GLIS2: variants seen among roughly 807,000 people sequenced by gnomAD.
The protein encoded by GLIS2 is GLIS family zinc finger 2.
A neutral mutation model predicts 35.6 loss-of-function variants in GLIS2; 14 were observed. The ratio of observed to expected loss-of-function variants is 0.39; its 90% CI spans 0.26 to 0.61. GLIS2 has a LOEUF of 0.61. Ranked by LOEUF, GLIS2 falls within the 20% of genes least tolerant of loss-of-function variation. GLIS2 has a pLI of 0.48. For synonymous variants in GLIS2, 368 were observed against 325.1 expected, an observed-to-expected ratio of 1.13 and a Z score of -1.42; for missense variants, 675 against 713.4, an observed-to-expected ratio of 0.95 and a Z score of 0.61.
In GLIS2 at chr16:4,316,075, T is replaced by C. The variant is rs2053306987; in HGVS notation, c.-246T>C. Among the ~76,000 whole-genome samples the C allele has an allele frequency of 1.8e-5, 2 of 113,614 alleles. No homozygotes were observed. The highest frequency in any genetic ancestry group is 3.3e-5 in the African/African-American group (1 of 30,498). The allele number at this position is 113,614 out of a possible 152,430, so 74.5% of individuals were successfully genotyped here. ...GCCCGGCCGCCGCGGCCACCTTCCC[T>C]GCCCGAGCTGCAGATGTGGCGGAGC... On this transcript the variant is annotated 5_prime_UTR_variant, in exon 1 of 7. Coordinates refer to ENST00000433375, the MANE Select transcript of GLIS2 (RefSeq NM_032575.3).
rs1013693251 is a variant in GLIS2, at chr16:4,332,438, G to A, written c.158G>A (p.Gly53Asp). 6.2e-7 allele frequency: 1 copy of A among 1,611,710 alleles called. No homozygotes were observed. The highest frequency in any genetic ancestry group is 8.5e-7 in the Non-Finnish European group (1 of 1,179,948). The change falls in exon 2 of 7, where the codon GGC becomes GAC. Residue 53 changes from glycine (G) to aspartate (D), a missense_variant. Physicochemically the swap from Gly to Asp is moderately conservative, Grantham distance 94. This residue lies in a region of GLIS2 where 225 missense variants were observed against 238.7 expected (regional missense o/e 0.94). Transcript: ENST00000433375. The surrounding 1 kb of genome is among the most constrained non-coding windows in gnomAD (Gnocchi z 5.4). ...GACAGCCCCACACCTGGCTCTCCAGGCTCCCCGCCCTCAGGTACTGGCCCT... is the reference window on the plus strand; with the variant it reads ...GACAGCCCCACACCTGGCTCTCCAGACTCCCCGCCCTCAGGTACTGGCCCT... Reference protein sequence around the residue: ...VDDSPTPGSPGSPPSGFLLNS... With the variant: ...VDDSPTPGSPDSPPSGFLLNS...
rs372241039 is a variant in GLIS2 at position 4,328,515 on chromosome 16, G to C, written c.-66-3700G>C. Among the ~76,000 whole-genome samples the C allele has an allele frequency of 2.0e-3, 298 of 152,384 alleles. 2 individuals are homozygous for C. Among genetic ancestry groups the C allele is most frequent in the African/African-American group, 6.5e-3 (269 of 41,598 alleles). On this transcript the variant is annotated intron_variant, in intron 1 of 6. Coordinates refer to ENST00000433375, the MANE Select transcript of GLIS2 (RefSeq NM_032575.3). ...GGCCTCCATTGGAGGAAAAACTCTG[G>C]GTGGGGAGGGCCTGGAACAGGGATG...
chr16:4,334,422 G>C (rs1462664177), intron 3 of GLIS2, among the ~76,000 whole-genome samples: 1 of 151,410 alleles, frequency 6.6e-6, no homozygotes, highest in Non-Finnish European at 1.5e-5. Flanking sequence ...ATTTTTAGCA[G>C]ACATGGGGTT....
At chr16:4,315,168 C>T (rs2053293273), upstream of GLIS2, 1 of 152,226 alleles carries the variant, frequency 6.6e-6, no homozygotes, top group South Asian at 2.1e-4. Flanking sequence ...AGCTAGGAAC[C>T]AAGCGGAAGC....
At chr16:4,333,324 C>T in intron 2 of GLIS2, 23 bp from the exon 3 acceptor site, 1 of 1,612,318 alleles carries the variant, frequency 6.2e-7, no homozygotes, top group Non-Finnish European at 8.5e-7. Flanking sequence ...TCCAGCACAC[C>T]CTGAACTGTG....
At chr16:4,330,226 C>T (rs1178829213) in intron 1 of GLIS2, among the ~76,000 whole-genome samples, 2 of 151,932 alleles carry the variant, frequency 1.3e-5, no homozygotes, top group East Asian at 3.8e-4. Context: ...GCAGTGAGCC[C>T]AGATCACACC....
chr16:4,319,486 G>A (rs183992995), intron 1 of GLIS2, among the ~76,000 whole-genome samples: 11 of 152,256 alleles, frequency 7.2e-5, no homozygotes, highest in African/African-American at 2.2e-4. Context: ...ATGTGTATCT[G>A]GGGGTTCACG....
chr16:4,318,963 G>A lies in GLIS2; in HGVS notation c.-67+2709G>A, dbSNP rs530320615. On this transcript the variant is annotated intron_variant, in intron 1 of 6. Coordinates refer to ENST00000433375, the MANE Select transcript of GLIS2 (RefSeq NM_032575.3). Reference sequence around the variant, plus strand: ...GACAGCTGTGACTGGGGGACCAGATGTGGAGCTCTTGTGGGGCATCTTGGG... The same window carrying A: ...GACAGCTGTGACTGGGGGACCAGATATGGAGCTCTTGTGGGGCATCTTGGG... Among the ~76,000 whole-genome samples the A allele has an allele frequency of 8.5e-5, 13 of 152,330 alleles. No homozygotes were observed. The South Asian group carries it at 2.7e-3, about 32-fold the overall frequency.
At chr16:4,323,781 G>A (rs903248911) in intron 1 of GLIS2, among the ~76,000 whole-genome samples, 1 of 152,318 alleles carries the variant, frequency 6.6e-6, no homozygotes, top group African/African-American at 2.4e-5. Flanking sequence ...GCCTGGGGCC[G>A]GAAACAAGAA....
chr16:4,319,068 C>T (rs936508626), intron 1 of GLIS2, among the ~76,000 whole-genome samples: 4 of 152,092 alleles, frequency 2.6e-5, no homozygotes, highest in Non-Finnish European at 4.4e-5. Context: ...GTTCCTGCCT[C>T]TAAGGGGAGG....
At chr16:4,330,336 A>C (rs191668068) in intron 1 of GLIS2, among the ~76,000 whole-genome samples, 90 of 152,388 alleles carry the variant, frequency 5.9e-4, no homozygotes, top group African/African-American at 2.1e-3. Context: ...AAATTACAGC[A>C]TGGGAAGTGA....
chr16:4,321,116 C>G (rs1015600510), intron 1 of GLIS2, among the ~76,000 whole-genome samples: 13 of 152,200 alleles, frequency 8.5e-5, no homozygotes, highest in African/African-American at 2.9e-4. Flanking sequence ...GTGCGGTGCC[C>G]TGCTGGGCCT....
In GLIS2 at chr16:4,335,501, G is replaced by C. The variant is rs914869328; in HGVS notation, c.775+108G>C. ...ACTGTTAAGTAAATCCCGGGCCTCAGAGATAAGGGTTGATGTCATCGCCCA... is the reference window on the plus strand; with the variant it reads ...ACTGTTAAGTAAATCCCGGGCCTCACAGATAAGGGTTGATGTCATCGCCCA... On this transcript the variant is annotated intron_variant, in intron 6 of 6. Coordinates refer to ENST00000433375, the MANE Select transcript of GLIS2 (RefSeq NM_032575.3). The surrounding 1 kb of genome is among the most constrained non-coding windows in gnomAD (Gnocchi z 4.6). 1 of 997,052 alleles carries C rather than the reference G, an allele frequency of 1.0e-6. No individual in the cohort carries two copies. The highest frequency in any genetic ancestry group is 1.6e-5 in the African/African-American group (1 of 62,688). 61.8% of individuals were successfully genotyped at this position (997,052 alleles called of 1,614,324 possible).
At chr16:4,333,011 A>G (rs1282408507) in intron 2 of GLIS2, among the ~76,000 whole-genome samples, 1 of 152,176 alleles carries the variant, frequency 6.6e-6, no homozygotes, top group Non-Finnish European at 1.5e-5. Flanking sequence ...GAAAAGCTAG[A>G]AAGGTTCCTA....
intron 1 of GLIS2, chr16:4,331,899 T>C (rs955879172): frequency 5.5e-6 from 2 of 360,718 alleles, no homozygotes; most frequent in Non-Finnish European, 1.1e-5. Context: ...CAGTGAGCTA[T>C]GATTGTGCCA....
chr16:4,320,553 C>T lies in GLIS2; in HGVS notation c.-67+4299C>T, dbSNP rs2053367121. ...AATGTCGGTTTAGCCTGGGAATCCC[C>T]CCAGCTCCACTCCTGCCCCCCACGT... On this transcript the variant is annotated intron_variant, in intron 1 of 6. Transcript: ENST00000433375. This position sits in a 1 kb window ranked among gnomAD's most constrained non-coding sequence, Gnocchi z 5.6. Among the ~76,000 whole-genome samples, 1 of 144,674 alleles carries T rather than the reference C, an allele frequency of 6.9e-6. No individual in the cohort carries two copies. Among genetic ancestry groups the T allele is most frequent in the African/African-American group, 2.8e-5 (1 of 35,512 alleles). 94.9% of individuals were successfully genotyped at this position (144,674 alleles called of 152,430 possible). A position where few individuals can be genotyped will look rare whatever the true frequency, so the allele number is the denominator to read the frequency against.
chr16:4,317,170 C>T (rs1392897721), intron 1 of GLIS2, among the ~76,000 whole-genome samples: 1 of 152,168 alleles, frequency 6.6e-6, no homozygotes, highest in Admixed American at 6.5e-5. Context: ...CAGCCCTGCC[C>T]TGGGGCCTGG....
upstream of GLIS2, among the ~76,000 whole-genome samples, chr16:4,315,675 G>T (rs950794653): frequency 6.6e-6 from 1 of 151,274 alleles, no homozygotes; most frequent in Non-Finnish European, 1.5e-5. Context: ...GCGGGGGGGG[G>T]GTGGCGTGAG....
rs1052422792 is a variant in GLIS2, at chr16:4,332,610, A to T, written c.172+158A>T. Among the ~76,000 whole-genome samples the T allele has an allele frequency of 2.6e-5, 4 of 152,202 alleles. No homozygotes were observed. In the East Asian group the frequency reaches 7.7e-4, roughly 29 times the overall value. On this transcript the variant is annotated intron_variant, in intron 2 of 6. Transcript: ENST00000433375. This position sits in a 1 kb window ranked among gnomAD's most constrained non-coding sequence, Gnocchi z 5.4. Reference sequence around the variant, plus strand: ...TGTCCTTCCATCCGCCCAGCATCGTATGTCTGCAGGGAGGTGGGAGCTGCA... The same window carrying T: ...TGTCCTTCCATCCGCCCAGCATCGTTTGTCTGCAGGGAGGTGGGAGCTGCA...
Sources: gnomAD v4.1 joint callset for allele counts (sites outside exome capture counted in the v4.1 genomes callset) on GRCh38, gnomAD v4.1.1 for gene constraint, gnomAD v4.1.1 regional missense constraint, Gnocchi (gnomAD v3.1) non-coding constraint, MANE v1.5 for transcripts, NCBI Gene and HGNC (gene_info 2026-07-23, HGNC 2026-07-21) for gene names.